Variants in SPTB observed in about 807,000 individuals in gnomAD.
The protein encoded by SPTB is spectrin beta chain, erythrocytic.
A neutral mutation model predicts 256.2 loss-of-function variants in SPTB; 45 were observed. The observed-to-expected ratio is 0.18, with a 90% CI of 0.14 to 0.23. The LOEUF (loss-of-function observed/expected upper bound fraction) is 0.23. Ranked by LOEUF, SPTB falls within the 10% of genes least tolerant of loss-of-function variation. The pLI is 1.00. For missense variants in SPTB, 2,715 were observed against 3,040.4 expected (o/e 0.89, Z 2.52); for synonymous variants, 1,231 against 1,243.1 (o/e 0.99, Z 0.21).
At position 64,767,759 on chromosome 14, in the gene SPTB, C is replaced by A; in HGVS notation, c.6123G>T (p.Val2041=). Residue 2041 remains valine, a synonymous_variant, in exon 30 of 36, where the codon GTG becomes GTT. Transcript: ENST00000644917. The stretch of plus-strand genomic sequence containing the variant: ...TCTTGATGAGCTTCTCCACACTGTC[C>A]ACTGTGTGTCCAAAGTCCCCGCTGG... The part of the protein sequence containing the change: ...YLASGDFGHT[V]DSVEKLIKRH... The A allele has an allele frequency of 6.2e-7, 1 of 1,614,184 alleles. No homozygotes were observed. The highest frequency in any genetic ancestry group is 1.1e-5 in the South Asian group (1 of 91,078).
rs968459273 is a variant in SPTB at position 64,777,699 on chromosome 14, G to A, written c.4563+1458C>T. On this transcript the variant is annotated intron_variant, in intron 22 of 35. Transcript: ENST00000644917. This position sits in a 1 kb window ranked among gnomAD's most constrained non-coding sequence, Gnocchi z 4.5. Reference sequence around the variant, plus strand: ...TAAGTCGTGTAAACTCACCCAGAAGGCTTGTTAAAGGAGTTGCATATTGGA... The same window carrying A: ...TAAGTCGTGTAAACTCACCCAGAAGACTTGTTAAAGGAGTTGCATATTGGA... Among the ~76,000 whole-genome samples the A allele has an allele frequency of 6.6e-6, 1 of 152,166 alleles. No individual in the cohort carries two copies. The highest frequency in any genetic ancestry group is 1.9e-4 in the East Asian group (1 of 5,196).
At chr14:64,857,095 C>G (rs374461) in intron 1 of SPTB, among the ~76,000 whole-genome samples, 142,794 of 152,248 alleles carry the variant, frequency 0.94, 67,579 homozygotes, top group Non-Finnish European at 0.98. Context: ...GTATGAAACC[C>G]CAAAATGCAG....
chr14:64,757,770 C>A (rs2082036044), intron 32 of SPTB, among the ~76,000 whole-genome samples: 1 of 152,074 alleles, frequency 6.6e-6, no homozygotes, highest in Non-Finnish European at 1.5e-5. Flanking sequence ...GGCCAACTCC[C>A]TGGAGGGGGA....
chr14:64,842,505 T>C (rs1021700642), intron 1 of SPTB, among the ~76,000 whole-genome samples: 5 of 152,348 alleles, frequency 3.3e-5, no homozygotes, highest in Middle Eastern at 3.4e-3. Flanking sequence ...CATTTACTTA[T>C]AGTCCGTAAG....
In SPTB at chr14:64,760,681, T is replaced by G. The variant is rs1012801997; in HGVS notation, c.6345+6045A>C. Among the ~76,000 whole-genome samples, 2 of 152,066 alleles carry G rather than the reference T, an allele frequency of 1.3e-5. No homozygotes were observed. The highest frequency in any genetic ancestry group is 2.9e-5 in the Non-Finnish European group (2 of 68,008). ...GACTGAGGTGGGGGATGGAGAAAAATGAAGGGACTTAAATGATCACCTACT... is the reference window on the plus strand; with the variant it reads ...GACTGAGGTGGGGGATGGAGAAAAAGGAAGGGACTTAAATGATCACCTACT... On this transcript the variant is annotated intron_variant, in intron 32 of 35. Coordinates refer to ENST00000644917, the MANE Select transcript of SPTB (RefSeq NM_001355436.2). This position sits in a 1 kb window ranked among gnomAD's most constrained non-coding sequence, Gnocchi z 4.3.
At chr14:64,808,307 T>C (rs928403388) in intron 2 of SPTB, among the ~76,000 whole-genome samples, 2 of 152,166 alleles carry the variant, frequency 1.3e-5, no homozygotes, top group Non-Finnish European at 2.9e-5. Context: ...CCACCGTGCA[T>C]GGCCCTCTCT....
intron 20 of SPTB, among the ~76,000 whole-genome samples, chr14:64,780,455 C>T (rs1192021577): frequency 6.6e-6 from 1 of 151,918 alleles, no homozygotes; most frequent in Non-Finnish European, 1.5e-5. Flanking sequence ...CTCTTGTTGC[C>T]CAGGCTGGAG....
chr14:64,812,759 C>T (rs1261203794), intron 2 of SPTB, among the ~76,000 whole-genome samples: 1 of 152,130 alleles, frequency 6.6e-6, no homozygotes, highest in Admixed American at 6.5e-5. Context: ...AAAATAGGAG[C>T]TGTCCTTAAA....
chr14:64,851,155 T>G (rs230722), intron 1 of SPTB, among the ~76,000 whole-genome samples: 141,703 of 152,246 alleles, frequency 0.93, 66,567 homozygotes, highest in Non-Finnish European at 0.98. Context: ...AAAAACAGAT[T>G]CATAGTTTTA....
At chr14:64,784,197 C>A in intron 19 of SPTB, 50 bp downstream of exon 19, 1 of 1,612,500 alleles carries the variant, frequency 6.2e-7, no homozygotes, top group Non-Finnish European at 8.5e-7. Flanking sequence ...CCCATCCAGG[C>A]AAGCCTATCT....
Position 64,852,716 on chromosome 14 carries a change from G to C in SPTB, c.-52+27076C>G, listed in dbSNP as rs188147243. ...AGTGGATGATGGTCCTATCAACCAAGGTAGTGATTACAAGACAAGGAGGAA... is the reference window on the plus strand; with the variant it reads ...AGTGGATGATGGTCCTATCAACCAACGTAGTGATTACAAGACAAGGAGGAA... On this transcript the variant is annotated intron_variant, in intron 1 of 35. Coordinates refer to ENST00000644917, the MANE Select transcript of SPTB (RefSeq NM_001355436.2). The surrounding 1 kb of genome is among the most constrained non-coding windows in gnomAD (Gnocchi z 4.2). Among the ~76,000 whole-genome samples, 1 of 152,320 alleles carries C rather than the reference G, an allele frequency of 6.6e-6. No homozygotes were observed.
At chr14:64,830,735 C>G (rs1455393363) in intron 1 of SPTB, among the ~76,000 whole-genome samples, 1 of 152,120 alleles carries the variant, frequency 6.6e-6, no homozygotes, top group Non-Finnish European at 1.5e-5. Context: ...GCTGACACAC[C>G]CCTACCCTGT....
rs979781958 is a variant in SPTB, at chr14:64,751,043, TTA to T, written c.6603-891_6603-890del. Among the ~76,000 whole-genome samples the T allele has an allele frequency of 5.5e-4, 79 of 144,480 alleles. 1 individual carries two copies. The highest frequency in any genetic ancestry group is 8.4e-4 in the South Asian group (4 of 4,738). 94.8% of individuals were successfully genotyped at this position (144,480 alleles called of 152,430 possible). A position where few individuals can be genotyped will look rare whatever the true frequency, so the allele number is the denominator to read the frequency against. ...ATGTTATATATTATATATGTAGCAA[TTA>T]TATATTATATAATATATAACATTTA... is the stretch of plus-strand genomic sequence containing the variant. On this transcript the variant is annotated intron_variant, in intron 33 of 35. Coordinates refer to ENST00000644917, the MANE Select transcript of SPTB (RefSeq NM_001355436.2).
In SPTB at chr14:64,802,093, G is replaced by T; in HGVS notation, c.566+133C>A. On this transcript the variant is annotated intron_variant, in intron 5 of 35. Coordinates refer to ENST00000644917, the MANE Select transcript of SPTB (RefSeq NM_001355436.2). The surrounding 1 kb of genome is among the most constrained non-coding windows in gnomAD (Gnocchi z 5.1). ...GGCCTCAAAGAATCAGGTCAGGACAGACTTTGCATCAATTACAGGGAGGCA... is the reference window on the plus strand; with the variant it reads ...GGCCTCAAAGAATCAGGTCAGGACATACTTTGCATCAATTACAGGGAGGCA... The T allele has an allele frequency of 2.1e-6, 2 of 966,686 alleles. No individual in the cohort carries two copies. The highest frequency in any genetic ancestry group is 1.4e-5 in the South Asian group (1 of 72,954). The allele number at this position is 966,686 out of a possible 1,614,324, so 59.9% of individuals were successfully genotyped here.
chr14:64,784,520 C>T (rs1667089394), intron 18 of SPTB, 127 bp from the exon 19 acceptor site: 1 of 1,266,762 alleles, frequency 7.9e-7, no homozygotes, highest in Non-Finnish European at 1.1e-6. Flanking sequence ...GAAGAGAACC[C>T]ATCTGCAGTT....
At chr14:64,756,037 C>T (rs907839747) in intron 32 of SPTB, 2 of 152,212 alleles carry the variant, frequency 1.3e-5, no homozygotes, top group African/African-American at 4.8e-5. Context: ...AAGATGGAGA[C>T]ATAAGATAGA....
rs1441442266 is a variant in SPTB, at chr14:64,792,675, G to A, written c.2666+322C>T. Among the ~76,000 whole-genome samples, 1 of 152,144 alleles carries A rather than the reference G, an allele frequency of 6.6e-6. No homozygotes were observed. The highest frequency in any genetic ancestry group is 1.5e-5 in the Non-Finnish European group (1 of 68,016). On this transcript the variant is annotated intron_variant, in intron 14 of 35. Coordinates refer to ENST00000644917, the MANE Select transcript of SPTB (RefSeq NM_001355436.2). The surrounding 1 kb of genome is among the most constrained non-coding windows in gnomAD (Gnocchi z 4.2). The stretch of plus-strand genomic sequence containing the variant: ...CCTCTCAACCTCCTTCTCCAGAGTA[G>A]CTCCATTTTTCCTCTGTGTGACCTG...
At chr14:64,800,408 G>A (rs2082860736) in intron 8 of SPTB, among the ~76,000 whole-genome samples, 1 of 152,232 alleles carries the variant, frequency 6.6e-6, no homozygotes, top group Non-Finnish European at 1.5e-5. Context: ...ATACCAATGG[G>A]TGAGTTTCTG....
At chr14:64,814,099 C>T (rs1232331186) in intron 2 of SPTB, among the ~76,000 whole-genome samples, 2 of 152,192 alleles carry the variant, frequency 1.3e-5, no homozygotes, top group African/African-American at 4.8e-5. Context: ...AGGATGCTTA[C>T]TACATACCTT....
Sources: allele counts gnomAD v4.1 joint callset (sites outside exome capture counted in the v4.1 genomes callset), GRCh38; gene constraint gnomAD v4.1.1; non-coding constraint Gnocchi (gnomAD v3.1); transcripts MANE v1.5; gene names NCBI Gene and HGNC (gene_info 2026-07-23, HGNC 2026-07-21).